The following USP45 variants were observed in gnomAD, a reference collection of about 807,000 sequenced individuals.
The protein encoded by USP45 is ubiquitin carboxyl-terminal hydrolase 45.
In USP45, 89 loss-of-function variants were observed where a neutral mutation model predicts 95.8. The ratio of observed to expected loss-of-function variants is 0.93; its 90% CI spans 0.78 to 1.11. The LOEUF (loss-of-function observed/expected upper bound fraction) is 1.11. Among genes scored for constraint, USP45 ranks in the 50% least tolerant of loss-of-function variants. The pLI, the probability that USP45 is intolerant of heterozygous loss-of-function variation, is 0.00. For missense variants in USP45, 898 were observed against 942.5 expected (o/e 0.95, Z 0.62); for synonymous variants, 281 against 316.2 (o/e 0.89, Z 1.18).
intron 9 of USP45, among the ~76,000 whole-genome samples, chr6:99,475,317 CT>C (rs34747235): frequency 0.57 from 71,126 of 124,258 alleles, 20,212 homozygotes; most frequent in Middle Eastern, 0.7. Context: ...CTTAAGATTC[CT>C]TTTTTTTTTT....
chr6:99,449,585 G>T (rs547401364), intron 13 of USP45, among the ~76,000 whole-genome samples: 13 of 152,126 alleles, frequency 8.5e-5, no homozygotes, highest in Non-Finnish European at 1.9e-4. Flanking sequence ...ATAATAATGG[G>T]AGACTTTAAC....
At chr6:99,497,348 T>A (rs749701137) in intron 5 of USP45, among the ~76,000 whole-genome samples, 3 of 152,302 alleles carry the variant, frequency 2.0e-5, no homozygotes, top group Non-Finnish European at 4.4e-5. Flanking sequence ...GAACCTGAGC[T>A]GGGGTTCATC....
At chr6:99,507,308 A>C in intron 4 of USP45, 120 bp downstream of exon 4, 1 of 530,164 alleles carries the variant, frequency 1.9e-6, no homozygotes, top group Non-Finnish European at 3.3e-6. Flanking sequence ...GATTGTGTTC[A>C]GGTTAAAAAA....
rs889798002 is a variant in USP45 at position 99,435,644 on chromosome 6, G to C, written c.*72C>G. On this transcript the variant is annotated 3_prime_UTR_variant, in exon 18 of 18. Coordinates refer to ENST00000500704, the MANE Select transcript of USP45 (RefSeq NM_001346022.3). ...CTACAGAAGAGGGAAGACTAGAAAG[G>C]CACATTATATATTATAGTTATCACT... 3.7e-6 allele frequency: 5 copies of C among 1,345,208 alleles called. No homozygotes were observed. The highest frequency in any genetic ancestry group is 5.0e-6 in the Non-Finnish European group (5 of 991,184). The allele number at this position is 1,345,208 out of a possible 1,614,324, so 83.3% of individuals were successfully genotyped here. A position where few individuals can be genotyped will look rare whatever the true frequency, so the allele number is the denominator to read the frequency against.
rs1183986252 is a variant in USP45 at position 99,439,754 on chromosome 6, C to T, written c.2160+15G>A. ...ATTAATTTATAAATCAATTAAATAT[C>T]TTAATATACTGTACCTTACAAGTAG... On this transcript the variant is annotated intron_variant, in intron 16 of 17. Transcript: ENST00000500704. 6.6e-7 allele frequency: 1 copy of T among 1,515,026 alleles called. No homozygotes were observed. Among genetic ancestry groups the T allele is most frequent in the Non-Finnish European group, 8.9e-7 (1 of 1,123,108 alleles). The allele number at this position is 1,515,026 out of a possible 1,614,324, so 93.8% of individuals were successfully genotyped here.
chr6:99,488,774 T>C lies in USP45; in HGVS notation c.525A>G (p.Thr175=). 5.0e-6 allele frequency: 8 copies of C among 1,601,040 alleles called. No homozygotes were observed. Among genetic ancestry groups the C allele is most frequent in the Non-Finnish European group, 6.8e-6 (8 of 1,175,348 alleles). ...ATTTTCCTCCCTTCTGTATTTCATCTGTTTCACATTTTTCTTCACAAAGTT... is the reference window on the plus strand; with the variant it reads ...ATTTTCCTCCCTTCTGTATTTCATCCGTTTCACATTTTTCTTCACAAAGTT... The part of the protein sequence containing the change: ...IMKLCEEKCE[T]DEIQKGGKCR... The change falls in exon 6 of 18, where the codon ACA becomes ACG. Residue 175 remains threonine, a synonymous_variant. Coordinates refer to ENST00000500704, the MANE Select transcript of USP45 (RefSeq NM_001346022.3).
chr6:99,476,246 A>C lies in USP45; in HGVS notation c.846-16T>G, dbSNP rs74539196. 1.9e-3 allele frequency: 2,986 copies of C among 1,608,516 alleles called. 52 individuals carry two copies. In the African/African-American group the frequency reaches 0.034, roughly 18 times the overall value. On this transcript the variant is annotated splice_polypyrimidine_tract_variant and intron_variant, in intron 8 of 17. Transcript: ENST00000500704. ...TCGAGGTGCCCTGTGATTTAAAAACAAAAGAGGAAAGAAAAAAAGAATAAT... is the reference window on the plus strand; with the variant it reads ...TCGAGGTGCCCTGTGATTTAAAAACCAAAGAGGAAAGAAAAAAAGAATAAT...
Position 99,468,682 on chromosome 6 carries a change from A to G in USP45, c.934-64T>C, listed in dbSNP as rs1788578343. On this transcript the variant is annotated intron_variant, in intron 9 of 17. Transcript: ENST00000500704. ...TTAACTCAGGCCTCATCCTCCTAAT[A>G]AAAGTACTTTCAAACAGCAAGGTAC... The G allele has an allele frequency of 2.8e-5, 31 of 1,115,872 alleles. No individual in the cohort carries two copies. In the Admixed American group the frequency reaches 3.6e-4, roughly 13 times the overall value. The allele number at this position is 1,115,872 out of a possible 1,614,324, so 69.1% of individuals were successfully genotyped here.
At chr6:99,453,846 G>A (rs1048026049) in intron 13 of USP45, among the ~76,000 whole-genome samples, 6 of 152,298 alleles carry the variant, frequency 3.9e-5, no homozygotes, top group Non-Finnish European at 7.4e-5. Context: ...TGTAATCCCA[G>A]CTACTTGGGA....
intron 13 of USP45, among the ~76,000 whole-genome samples, chr6:99,452,611 C>T (rs1230827195): frequency 6.6e-6 from 1 of 152,206 alleles, no homozygotes; most frequent in Non-Finnish European, 1.5e-5. Flanking sequence ...TTGTGGAAGA[C>T]AGCGTGGCTA....
At chr6:99,488,355 G>C (rs1384105587) in intron 6 of USP45, 60 bp from the exon 7 acceptor site, 8 of 1,083,908 alleles carry the variant, frequency 7.4e-6, no homozygotes, top group Non-Finnish European at 9.3e-6. Context: ...TGATTTTATG[G>C]AATACACTCT....
Position 99,435,565 on chromosome 6 carries a change from A to G in USP45, c.*151T>C, listed in dbSNP as rs1232250701. ...AAGCATTGAGTAAATTTACTTTAAA[A>G]GGGTTCACCAAAATGGTGAAAAAGT... On this transcript the variant is annotated 3_prime_UTR_variant, in exon 18 of 18. Transcript: ENST00000500704. 1.3e-5 allele frequency: 7 copies of G among 527,828 alleles called. No individual in the cohort carries two copies. Among genetic ancestry groups the G allele is most frequent in the East Asian group, 1.3e-4 (4 of 30,962 alleles). 32.7% of individuals were successfully genotyped at this position (527,828 alleles called of 1,614,324 possible).
intron 15 of USP45, among the ~76,000 whole-genome samples, chr6:99,441,717 T>G (rs1781561256): frequency 6.6e-6 from 1 of 152,218 alleles, no homozygotes; most frequent in Non-Finnish European, 1.5e-5. Flanking sequence ...CATTTTATTT[T>G]GCCTTTCTTT....
At chr6:99,514,280 C>T (rs1397819064) in intron 1 of USP45, among the ~76,000 whole-genome samples, 1 of 152,198 alleles carries the variant, frequency 6.6e-6, no homozygotes, top group Non-Finnish European at 1.5e-5. Flanking sequence ...AAAACACATC[C>T]TTCCTCCATC....
At chr6:99,454,406 T>A (rs188163620) in intron 13 of USP45, among the ~76,000 whole-genome samples, 1 of 152,120 alleles carries the variant, frequency 6.6e-6, no homozygotes, top group Non-Finnish European at 1.5e-5. Flanking sequence ...TAGGTAATGA[T>A]TTTATGGAGA....
At chr6:99,502,711 G>A (rs1294782202) in intron 5 of USP45, among the ~76,000 whole-genome samples, 6 of 152,242 alleles carry the variant, frequency 3.9e-5, no homozygotes, top group Non-Finnish European at 8.8e-5. Flanking sequence ...GGAAGTGACT[G>A]GATCATGGGA....
At chr6:99,450,616 C>G (rs1783638645) in intron 13 of USP45, among the ~76,000 whole-genome samples, 1 of 152,190 alleles carries the variant, frequency 6.6e-6, no homozygotes, top group Admixed American at 6.6e-5. Flanking sequence ...CAAGGAGGAG[C>G]TGGTACCATT....
intron 10 of USP45, among the ~76,000 whole-genome samples, chr6:99,466,987 A>G (rs1482335559): frequency 6.6e-6 from 1 of 152,180 alleles, no homozygotes; most frequent in East Asian, 1.9e-4. Flanking sequence ...ATAATGAACT[A>G]TTCTTAAGAG....
At chr6:99,478,294 G>A (rs750363634) in intron 8 of USP45, among the ~76,000 whole-genome samples, 36 of 137,936 alleles carry the variant, frequency 2.6e-4, no homozygotes, top group African/African-American at 8.2e-4. Flanking sequence ...TAGACTCTAT[G>A]ATGGAGCCTA....
Sources: allele counts gnomAD v4.1 joint callset (sites outside exome capture counted in the v4.1 genomes callset), GRCh38; gene constraint gnomAD v4.1.1; transcripts MANE v1.5; gene names NCBI Gene and HGNC (gene_info 2026-07-23, HGNC 2026-07-21).